The following SLC44A5 variants were observed in gnomAD, a reference collection of about 807,000 sequenced individuals.
SLC44A5 encodes the protein choline transporter-like protein 5.
A neutral mutation model predicts 101.8 loss-of-function variants in SLC44A5; 57 were observed. That is an observed-to-expected ratio of 0.56 (90% confidence interval 0.45 to 0.70). The LOEUF is 0.70. Ranked by LOEUF, SLC44A5 falls within the 30% of genes least tolerant of loss-of-function variation. SLC44A5 has a pLI of 0.00. For missense variants in SLC44A5, 737 were observed against 853.1 expected (o/e 0.86, Z 1.70); for synonymous variants, 281 against 290.9 (o/e 0.97, Z 0.35).
At chr1:75,473,955 T>C (rs1012988858) in intron 2 of SLC44A5, among the ~76,000 whole-genome samples, 1 of 152,210 alleles carries the variant, frequency 6.6e-6, no homozygotes, top group South Asian at 2.1e-4. Flanking sequence ...AGAGATATTT[T>C]AGTCCTGATT....
intron 3 of SLC44A5, among the ~76,000 whole-genome samples, chr1:75,392,300 T>C (rs769095659): frequency 5.3e-5 from 8 of 152,110 alleles, no homozygotes; most frequent in Non-Finnish European, 1.2e-4. Context: ...ATCCAGAATC[T>C]ATAAGGAACT....
At chr1:75,444,374 AAAGAAGGAAGGG>A (rs1381734515) in intron 2 of SLC44A5, among the ~76,000 whole-genome samples, 12 of 147,512 alleles carry the variant, frequency 8.1e-5, no homozygotes, top group Admixed American at 4.7e-4. Flanking sequence ...GGGAGGGAGG[AAAGAAGGAAGGG>A]AAGAAGGAAG....
chr1:75,460,541 T>G (rs540630520), intron 2 of SLC44A5, among the ~76,000 whole-genome samples: 2 of 152,222 alleles, frequency 1.3e-5, no homozygotes, highest in East Asian at 3.9e-4. Flanking sequence ...CTAAACCTAC[T>G]GTGTAGATTT....
chr1:75,296,473 A>G (rs1022988115), intron 5 of SLC44A5, among the ~76,000 whole-genome samples: 1 of 151,806 alleles, frequency 6.6e-6, no homozygotes. Flanking sequence ...CTTAAGGTCT[A>G]GATCTCATCA....
intron 2 of SLC44A5, among the ~76,000 whole-genome samples, chr1:75,507,374 G>A (rs1318461395): frequency 1.3e-5 from 2 of 152,042 alleles, no homozygotes; most frequent in African/African-American, 2.4e-5. Flanking sequence ...ATGTTGAACT[G>A]ACCTTGCATC....
chr1:75,673,220 A>G, the SLC44A5 span, among the ~76,000 whole-genome samples: 1 of 152,070 alleles, frequency 6.6e-6, no homozygotes, highest in Non-Finnish European at 1.5e-5. Flanking sequence ...AGGGGAGCCC[A>G]CTGCCCTGAA....
At chr1:75,212,781 G>A in intron 22 of SLC44A5, among the ~76,000 whole-genome samples, 1 of 152,014 alleles carries the variant, frequency 6.6e-6, no homozygotes, top group East Asian at 1.9e-4. Context: ...ACTGGCAGTG[G>A]GGGAGAGGCA....
chr1:75,411,198 C>T (rs533061984), intron 2 of SLC44A5, among the ~76,000 whole-genome samples: 1 of 152,206 alleles, frequency 6.6e-6, no homozygotes, highest in African/African-American at 2.4e-5. Context: ...TCATTCCCTA[C>T]TCATTTCAAT....
At chr1:75,239,287 A>T (rs971537162) in intron 9 of SLC44A5, among the ~76,000 whole-genome samples, 3 of 152,058 alleles carry the variant, frequency 2.0e-5, no homozygotes, top group African/African-American at 4.8e-5. Flanking sequence ...TCAATCTTCT[A>T]TGTTCTTATT....
chr1:75,475,994 C>T lies in SLC44A5; in HGVS notation c.13+65441G>A, dbSNP rs140204462. 8.1e-4 allele frequency among the ~76,000 whole-genome samples: 124 copies of T among 152,212 alleles called. 1 individual carries two copies. Among genetic ancestry groups the T allele is most frequent in the African/African-American group, 2.8e-3 (115 of 41,544 alleles). ...GGTCAGGAGTTAAAGACCAGCCTGA[C>T]CAATATGGTGAAGCTCTGTCTCTAC... is the stretch of plus-strand genomic sequence containing the variant. On this transcript the variant is annotated intron_variant, in intron 2 of 23. Transcript: ENST00000370859.
At chr1:75,532,420 A>AAT (rs1670769063) in intron 2 of SLC44A5, among the ~76,000 whole-genome samples, 1 of 151,738 alleles carries the variant, frequency 6.6e-6, no homozygotes, top group African/African-American at 2.4e-5. Context: ...AATAAACTAT[A>AAT]ATAAGTAGCC....
chr1:75,547,986 T>C (rs1292110744), intron 1 of SLC44A5, among the ~76,000 whole-genome samples: 1 of 152,220 alleles, frequency 6.6e-6, no homozygotes, highest in East Asian at 1.9e-4. Context: ...GCTGGTATCA[T>C]CACAAGTGTC....
At chr1:75,536,600 C>CA (rs1192432333) in intron 2 of SLC44A5, among the ~76,000 whole-genome samples, 3,725 of 31,844 alleles carry the variant, frequency 0.12, 132 homozygotes, top group East Asian at 0.19. Flanking sequence ...GACTCCATCT[C>CA]AAAAAAAAAA....
At chr1:75,219,778 G>C in intron 15 of SLC44A5, 22 bp downstream of exon 15, 2 of 1,534,488 alleles carry the variant, frequency 1.3e-6, no homozygotes, top group South Asian at 1.1e-5. Flanking sequence ...GAGGTTTAAA[G>C]AGGCCAATTA....
intron 2 of SLC44A5, chr1:75,398,440 G>A (rs1231843984): frequency 2.8e-5 from 27 of 977,392 alleles, no homozygotes; most frequent in Non-Finnish European, 3.3e-5. Context: ...GAGAGGAGAA[G>A]GGAACTGGTA....
At chr1:75,413,908 C>T (rs17584320) in intron 2 of SLC44A5, among the ~76,000 whole-genome samples, 13,865 of 152,238 alleles carry the variant, frequency 0.091, 818 homozygotes, top group Admixed American at 0.18. Flanking sequence ...CTTTCCACCA[C>T]ATGTGGCCAG....
chr1:75,371,002 T>G (rs1370072433), intron 3 of SLC44A5, among the ~76,000 whole-genome samples: 1 of 152,036 alleles, frequency 6.6e-6, no homozygotes, highest in African/African-American at 2.4e-5. Context: ...GGAGAAGGAT[T>G]GGGACAATGC....
chr1:75,574,271 A>T (rs1673246166), intron 1 of SLC44A5, among the ~76,000 whole-genome samples: 1 of 152,138 alleles, frequency 6.6e-6, no homozygotes, highest in African/African-American at 2.4e-5. Context: ...AGTTTTAAGA[A>T]AGCAATGTGG....
chr1:75,439,034 T>C (rs1300576915), intron 2 of SLC44A5, among the ~76,000 whole-genome samples: 2 of 152,250 alleles, frequency 1.3e-5, no homozygotes, highest in East Asian at 3.9e-4. Flanking sequence ...AACTTGACGA[T>C]CCCCAGTGCT....
Sources: allele counts gnomAD v4.1 joint callset (sites outside exome capture counted in the v4.1 genomes callset), GRCh38; gene constraint gnomAD v4.1.1; transcripts MANE v1.5; gene names NCBI Gene and HGNC (gene_info 2026-07-23, HGNC 2026-07-21).